Variants in DPP10 observed in about 807,000 individuals in gnomAD.
The protein encoded by DPP10 is dipeptidyl peptidase like 10.
DPP10 carries 33 observed loss-of-function variants against 120.9 expected under a neutral mutation model. That is an observed-to-expected ratio of 0.27 (90% confidence interval 0.21 to 0.37). The LOEUF is 0.37. DPP10 is among the 10% of genes least tolerant of loss of function. The pLI is 1.00. For synonymous variants in DPP10, 337 were observed against 326.1 expected (o/e 1.03, Z -0.36); for missense variants, 816 against 942.8 (o/e 0.87, Z 1.76).
chr2:114,556,361 A>G (rs1688317744), intron 1 of DPP10, among the ~76,000 whole-genome samples: 2 of 150,522 alleles, frequency 1.3e-5, no homozygotes, highest in South Asian at 4.2e-4. Context: ...TAACTACTGA[A>G]TTGGTTGTAG....
rs1218722907 is a variant in DPP10, at chr2:114,670,389, A to G, written c.60+227551A>G. Among the ~76,000 whole-genome samples, 3 of 152,172 alleles carry G rather than the reference A, an allele frequency of 2.0e-5. No homozygotes were observed. The East Asian group carries it at 5.8e-4, about 29-fold the overall frequency. On this transcript the variant is annotated intron_variant, in intron 1 of 25. Coordinates refer to ENST00000410059, the MANE Select transcript of DPP10 (RefSeq NM_020868.6). ...GTTCATGTCCTTTGTAGGGACATGG[A>G]TGAAATTGGAAATCATCATTCTCAG...
chr2:115,331,983 A>C (rs2106176108), intron 2 of DPP10, among the ~76,000 whole-genome samples: 1 of 152,266 alleles, frequency 6.6e-6, no homozygotes, highest in East Asian at 1.9e-4. Flanking sequence ...TGATTGGAAT[A>C]GTTTCAGAGG....
intron 1 of DPP10, among the ~76,000 whole-genome samples, chr2:114,895,392 T>A (rs1692882131): frequency 6.6e-6 from 1 of 152,196 alleles, no homozygotes; most frequent in South Asian, 2.1e-4. Context: ...TTCTCAGCCT[T>A]ATATTGCAAC....
At chr2:115,405,372 C>G (rs774346287) in intron 3 of DPP10, among the ~76,000 whole-genome samples, 3 of 152,148 alleles carry the variant, frequency 2.0e-5, no homozygotes, top group Non-Finnish European at 2.9e-5. Flanking sequence ...TTCAAGACCT[C>G]GGACAGGCCC....
intron 1 of DPP10, among the ~76,000 whole-genome samples, chr2:114,603,776 A>G (rs1050722087): frequency 2.0e-5 from 3 of 152,072 alleles, no homozygotes; most frequent in Non-Finnish European, 4.4e-5. Context: ...GTAGCCAGAC[A>G]TGGCACCATG....
chr2:115,096,554 T>A (rs1207487816), intron 1 of DPP10, among the ~76,000 whole-genome samples: 2 of 152,050 alleles, frequency 1.3e-5, no homozygotes, highest in East Asian at 3.9e-4. Flanking sequence ...TTCATATACA[T>A]ATACACATAC....
chr2:114,993,769 G>A (rs752330626), intron 1 of DPP10, among the ~76,000 whole-genome samples: 1 of 151,816 alleles, frequency 6.6e-6, no homozygotes, highest in Non-Finnish European at 1.5e-5. Flanking sequence ...GTGCATGTAT[G>A]TGTGTGTGTT....
chr2:115,672,182 A>AT (rs992789064), intron 5 of DPP10, among the ~76,000 whole-genome samples: 8 of 152,144 alleles, frequency 5.3e-5, no homozygotes, highest in Non-Finnish European at 1.0e-4. Flanking sequence ...TAGTTATTCC[A>AT]TTATAGACCT....
At chr2:115,768,432 G>T (rs1170144981) in intron 13 of DPP10, 28 bp downstream of exon 13, 5 of 1,595,506 alleles carry the variant, frequency 3.1e-6, no homozygotes, top group South Asian at 2.2e-5. Context: ...TCCATGTTTT[G>T]ATTTCATTGT....
At chr2:114,900,681 A>G (rs1693484929) in intron 1 of DPP10, among the ~76,000 whole-genome samples, 1 of 152,168 alleles carries the variant, frequency 6.6e-6, no homozygotes, top group South Asian at 2.1e-4. Flanking sequence ...TTCATTTGAC[A>G]AACAGAAGTC....
intron 1 of DPP10, among the ~76,000 whole-genome samples, chr2:115,085,111 C>T (rs570578791): frequency 6.5e-4 from 99 of 152,272 alleles, no homozygotes; most frequent in Non-Finnish European, 1.0e-3. Flanking sequence ...TGTAGCAAGG[C>T]TTAGACCACC....
chr2:115,758,174 A>G (rs745747821), intron 11 of DPP10, among the ~76,000 whole-genome samples: 8 of 152,142 alleles, frequency 5.3e-5, no homozygotes, highest in Non-Finnish European at 1.0e-4. Context: ...TAAGGATGCA[A>G]ATGGGGTAAA....
At chr2:115,251,751 G>A (rs1467558480) in intron 1 of DPP10, among the ~76,000 whole-genome samples, 1 of 152,098 alleles carries the variant, frequency 6.6e-6, no homozygotes, top group African/African-American at 2.4e-5. Context: ...TCTGTTCTAG[G>A]CAGTGAGGAG....
chr2:114,822,181 T>C (rs537895849), intron 1 of DPP10, among the ~76,000 whole-genome samples: 1 of 152,126 alleles, frequency 6.6e-6, no homozygotes, highest in African/African-American at 2.4e-5. Context: ...TTTTTTTACA[T>C]CCTCTGAAAT....
chr2:115,521,329 A>C, intron 4 of DPP10, among the ~76,000 whole-genome samples: 1 of 152,190 alleles, frequency 6.6e-6, no homozygotes, highest in East Asian at 1.9e-4. Flanking sequence ...ATTACTCTGT[A>C]TAAATGATAA....
At chr2:115,544,384 C>A (rs982198335) in intron 5 of DPP10, among the ~76,000 whole-genome samples, 9 of 151,448 alleles carry the variant, frequency 5.9e-5, no homozygotes, top group Non-Finnish European at 4.4e-5. Context: ...TCTTTTCATG[C>A]CGAGATCAAT....
intron 7 of DPP10, among the ~76,000 whole-genome samples, chr2:115,723,348 T>C (rs575829343): frequency 3.9e-5 from 6 of 152,312 alleles, no homozygotes; most frequent in African/African-American, 1.2e-4. Flanking sequence ...GTTTTCTCTC[T>C]TGCTTTTGTC....
chr2:115,537,076 A>T (rs931184900), intron 5 of DPP10, among the ~76,000 whole-genome samples: 1 of 152,020 alleles, frequency 6.6e-6, no homozygotes, highest in Non-Finnish European at 1.5e-5. Context: ...GTTTATTTCT[A>T]TAGAAATAAT....
chr2:115,281,310 T>C (rs1574280682), intron 1 of DPP10, among the ~76,000 whole-genome samples: 2 of 152,186 alleles, frequency 1.3e-5, no homozygotes, highest in African/African-American at 4.8e-5. Flanking sequence ...CGAAGACTTA[T>C]TCTCCCTGTG....
Sources: allele counts gnomAD v4.1 joint callset (sites outside exome capture counted in the v4.1 genomes callset), GRCh38; gene constraint gnomAD v4.1.1; transcripts MANE v1.5; gene names NCBI Gene and HGNC (gene_info 2026-07-23, HGNC 2026-07-21).